CADM2: variants seen among roughly 807,000 people sequenced by gnomAD.
CADM2 encodes cell adhesion molecule 2, also known as immunoglobulin superfamily member 4D.
A neutral mutation model predicts 49.8 loss-of-function variants in CADM2; 12 were observed. The observed-to-expected ratio is 0.24, with a 90% CI of 0.15 to 0.39. The LOEUF is 0.39. Ranked by LOEUF, CADM2 falls within the 10% of genes least tolerant of loss-of-function variation. The pLI is 1.00. For missense variants in CADM2, 378 were observed against 492.3 expected, an observed-to-expected ratio of 0.77 and a Z score of 2.20; for synonymous variants, 214 against 175.4, an observed-to-expected ratio of 1.22 and a Z score of -1.74.
At chr3:86,054,746 A>G (rs534917046) in intron 8 of CADM2, among the ~76,000 whole-genome samples, 34 of 152,134 alleles carry the variant, frequency 2.2e-4, no homozygotes, top group Non-Finnish European at 3.8e-4. Flanking sequence ...TGTGTTTACA[A>G]CTATATTTTA....
At chr3:85,904,387 C>T (rs1716515682) in intron 5 of CADM2, among the ~76,000 whole-genome samples, 1 of 152,140 alleles carries the variant, frequency 6.6e-6, no homozygotes, top group Admixed American at 6.6e-5. Flanking sequence ...GAAATGCTGG[C>T]AGCCTGCCTC....
intron 1 of CADM2, among the ~76,000 whole-genome samples, chr3:85,277,563 G>C (rs1284900897): frequency 6.6e-6 from 1 of 151,272 alleles, no homozygotes; most frequent in Non-Finnish European, 1.5e-5. Flanking sequence ...GAAACTTTAA[G>C]TAAAAATTCT....
chr3:85,985,292 C>A (rs1727955979), intron 8 of CADM2, among the ~76,000 whole-genome samples: 1 of 151,860 alleles, frequency 6.6e-6, no homozygotes, highest in African/African-American at 2.4e-5. Context: ...CTCTCTGGAG[C>A]CTCTTTTATA....
In CADM2 at chr3:85,861,086, G is replaced by T. The variant is rs539108079; in HGVS notation, c.239-22205G>T. On this transcript the variant is annotated intron_variant, in intron 3 of 9. Transcript: ENST00000383699. ...TTGGGGTTTTCAGTGAGCAGGACAG[G>T]AGGTCATTGAAAGTGTCTGAGCATA... 5.9e-5 allele frequency among the ~76,000 whole-genome samples: 9 copies of T among 152,248 alleles called. No homozygotes were observed. In the South Asian group the frequency reaches 1.7e-3, roughly 28 times the overall value.
At chr3:85,976,763 G>C (rs1293341454) in intron 8 of CADM2, among the ~76,000 whole-genome samples, 1 of 151,478 alleles carries the variant, frequency 6.6e-6, no homozygotes, top group African/African-American at 2.4e-5. Context: ...TATGATGTCA[G>C]AGAGGAGGAT....
intron 1 of CADM2, among the ~76,000 whole-genome samples, chr3:85,543,431 T>TGTGTGTGTGTGGGTGTGTGTGG (rs1559899016): frequency 1.4e-5 from 1 of 69,864 alleles, no homozygotes. Flanking sequence ...TGTGTGTGTG[T>TGTGTGTGTGTGGGTGTGTGTGG]GTGTGTGTGT....
At position 85,769,267 on chromosome 3, in the gene CADM2, A is replaced by ATATATACATATATGGTATATATACACG. The variant is rs2069874423; in HGVS notation, c.89-32767_89-32766insGGTATATATACACGTATATACATATAT. ...ATATACATATATAGTATATATACACATATATACATATATACATATATAGTA... is the reference window on the plus strand; with the variant it reads ...ATATACATATATAGTATATATACACATATATACATATATGGTATATATACACGTATATACATATATACATATATAGTA... On this transcript the variant is annotated intron_variant, in intron 2 of 9. Transcript: ENST00000383699. 4.5e-5 allele frequency among the ~76,000 whole-genome samples: 2 copies of ATATATACATATATGGTATATATACACG among 44,544 alleles called. 1 individual carries two copies. Among genetic ancestry groups the ATATATACATATATGGTATATATACACG allele is most frequent in the African/African-American group, 2.6e-4 (2 of 7,654 alleles). 29.2% of individuals were successfully genotyped at this position (44,544 alleles called of 152,430 possible).
chr3:85,787,798 A>T (rs1221903266), intron 2 of CADM2, among the ~76,000 whole-genome samples: 1 of 152,064 alleles, frequency 6.6e-6, no homozygotes, highest in Admixed American at 6.6e-5. Context: ...CCTTATTATA[A>T]CCTAACAAGT....
At chr3:85,728,366 C>T (rs2067791909) in intron 2 of CADM2, among the ~76,000 whole-genome samples, 1 of 152,072 alleles carries the variant, frequency 6.6e-6, no homozygotes, top group African/African-American at 2.4e-5. Flanking sequence ...TATATTTTTG[C>T]ATCTACAAGG....
intron 1 of CADM2, among the ~76,000 whole-genome samples, chr3:85,240,534 A>G (rs1216569985): frequency 6.6e-6 from 1 of 151,532 alleles, no homozygotes; most frequent in East Asian, 1.9e-4. Flanking sequence ...GGTGATTAAC[A>G]TGACAAAATG....
Position 85,300,383 on chromosome 3 carries a change from T to TA in CADM2, c.61+340720dup, listed in dbSNP as rs570124683. Among the ~76,000 whole-genome samples the TA allele has an allele frequency of 2.5e-3, 383 of 152,264 alleles. 1 individual carries two copies. Among genetic ancestry groups the TA allele is most frequent in the African/African-American group, 8.6e-3 (358 of 41,568 alleles). On this transcript the variant is annotated intron_variant, in intron 1 of 9. Coordinates refer to ENST00000383699, the MANE Select transcript of CADM2 (RefSeq NM_001167675.2). ...TTTTTTGTGTTACAATATCCTTTTT[T>TA]AAAAATCATATTATATGAAAGGCAT...
intron 8 of CADM2, among the ~76,000 whole-genome samples, chr3:85,999,969 G>GA (rs1441099164): frequency 6.6e-5 from 10 of 152,176 alleles, no homozygotes; most frequent in Admixed American, 6.5e-4. Context: ...ATGCTAGGGA[G>GA]AAAAAAGAGA....
intron 1 of CADM2, among the ~76,000 whole-genome samples, chr3:85,243,669 T>A (rs2042584115): frequency 6.6e-6 from 1 of 152,072 alleles, no homozygotes; most frequent in African/African-American, 2.4e-5. Context: ...CAGCCATAAC[T>A]AATGTCCACT....
At chr3:85,687,479 T>C (rs2066251233) in intron 1 of CADM2, among the ~76,000 whole-genome samples, 2 of 152,254 alleles carry the variant, frequency 1.3e-5, no homozygotes, top group African/African-American at 2.4e-5. Flanking sequence ...TATGATAGAA[T>C]GAATTACTCT....
intron 6 of CADM2, among the ~76,000 whole-genome samples, chr3:85,933,120 C>T (rs948763101): frequency 6.6e-6 from 1 of 152,138 alleles, no homozygotes; most frequent in East Asian, 1.9e-4. Context: ...TGAAGCAGAT[C>T]CTGGTGGTGA....
rs559978100 is a variant in CADM2, at chr3:85,420,506, A to T, written c.62-306016A>T. On this transcript the variant is annotated intron_variant, in intron 1 of 9. Coordinates refer to ENST00000383699, the MANE Select transcript of CADM2 (RefSeq NM_001167675.2). ...CTATTTGTATGTCCCATGGGGGAAA[A>T]AAATTATAGCCCCAACTACTCCTCT... Among the ~76,000 whole-genome samples, 14 of 152,314 alleles carry T rather than the reference A, an allele frequency of 9.2e-5. No individual in the cohort carries two copies. The South Asian group carries it at 2.9e-3, about 32-fold the overall frequency.
chr3:85,113,617 A>G (rs981540395), intron 1 of CADM2, among the ~76,000 whole-genome samples: 1 of 152,006 alleles, frequency 6.6e-6, no homozygotes, highest in Non-Finnish European at 1.5e-5. Context: ...GAAATATTTT[A>G]CATTATATAC....
At chr3:85,923,103 G>A (rs1559744827) in intron 6 of CADM2, among the ~76,000 whole-genome samples, 2 of 152,070 alleles carry the variant, frequency 1.3e-5, no homozygotes, top group African/African-American at 2.4e-5. Flanking sequence ...GATTACAAGC[G>A]TGAGCCACCG....
At chr3:85,804,205 T>C (rs1267165550) in intron 3 of CADM2, among the ~76,000 whole-genome samples, 1 of 152,110 alleles carries the variant, frequency 6.6e-6, no homozygotes, top group Non-Finnish European at 1.5e-5. Flanking sequence ...CTTGAAACTA[T>C]GATGCAAAAG....
Sources: gnomAD v4.1 joint callset for allele counts (sites outside exome capture counted in the v4.1 genomes callset) on GRCh38, gnomAD v4.1.1 for gene constraint, MANE v1.5 for transcripts, NCBI Gene and HGNC (gene_info 2026-07-23, HGNC 2026-07-21) for gene names.